Variants in SIPA1L2 observed in about 807,000 individuals in gnomAD.
SIPA1L2 encodes signal induced proliferation associated 1 like 2.
In SIPA1L2, 56 loss-of-function variants were observed where a neutral mutation model predicts 163.9. The observed-to-expected ratio is 0.34, with a 90% confidence interval of 0.28 to 0.43. The LOEUF is 0.43. Among genes scored for constraint, SIPA1L2 ranks in the 20% least tolerant of loss-of-function variants. SIPA1L2 has a pLI of 1.00. For synonymous variants in SIPA1L2, 877 were observed against 865.7 expected (o/e 1.01, Z -0.23); for missense variants, 1,974 against 2,193.5 (o/e 0.90, Z 2.00).
At chr1:232,590,570 C>T (rs1215632053) in intron 1 of SIPA1L2, among the ~76,000 whole-genome samples, 1 of 152,192 alleles carries the variant, frequency 6.6e-6, no homozygotes, top group East Asian at 1.9e-4. Context: ...CTGATTCAGA[C>T]CCTAGCTCTC....
chr1:232,587,830 G>C lies in SIPA1L2; in HGVS notation c.-318-13608C>G, dbSNP rs762422257. Among the ~76,000 whole-genome samples the C allele has an allele frequency of 3.3e-5, 5 of 151,706 alleles. No individual in the cohort carries two copies. In the East Asian group the frequency reaches 9.7e-4, roughly 29 times the overall value. On this transcript the variant is annotated intron_variant, in intron 1 of 22. Coordinates refer to ENST00000674635, the MANE Select transcript of SIPA1L2 (RefSeq NM_020808.5). ...CGGTTTCCCCCATACTGTTCTTGTG[G>C]CAGTGAATAAGTCTCACAAGATCTG...
chr1:232,594,918 C>G (rs1661175338), intron 1 of SIPA1L2, among the ~76,000 whole-genome samples: 1 of 152,208 alleles, frequency 6.6e-6, no homozygotes, highest in African/African-American at 2.4e-5. Flanking sequence ...CACACCCAGG[C>G]TGCACCCATT....
chr1:232,417,451 A>G (rs996123119), intron 18 of SIPA1L2, among the ~76,000 whole-genome samples: 2 of 151,718 alleles, frequency 1.3e-5, no homozygotes, highest in African/African-American at 2.4e-5. Context: ...TCCTTATTCT[A>G]CTTGTTCTGT....
intron 1 of SIPA1L2, among the ~76,000 whole-genome samples, chr1:232,582,969 A>T (rs934072246): frequency 1.3e-5 from 2 of 152,222 alleles, no homozygotes. Context: ...CAAGCTAAAA[A>T]GCTTTAACTA....
At chr1:232,475,086 A>G (rs1459605679) in intron 7 of SIPA1L2, among the ~76,000 whole-genome samples, 1 of 152,152 alleles carries the variant, frequency 6.6e-6, no homozygotes, top group East Asian at 1.9e-4. Context: ...GAAAGAAGCA[A>G]ATCCATATTC....
chr1:232,605,203 G>C (rs966776558), intron 1 of SIPA1L2, among the ~76,000 whole-genome samples: 1 of 151,974 alleles, frequency 6.6e-6, no homozygotes, highest in Non-Finnish European at 1.5e-5. Flanking sequence ...TTGTACAGAC[G>C]GGGTTTCTCC....
chr1:232,459,177 C>G (rs1415407025), intron 10 of SIPA1L2, among the ~76,000 whole-genome samples: 1 of 152,196 alleles, frequency 6.6e-6, no homozygotes, highest in South Asian at 2.1e-4. Context: ...CATGGTTTAG[C>G]TGATCTATCC....
At chr1:232,609,660 C>T (rs2102871759) in intron 1 of SIPA1L2, among the ~76,000 whole-genome samples, 1 of 151,906 alleles carries the variant, frequency 6.6e-6, no homozygotes, top group African/African-American at 2.4e-5. Context: ...GAAACCCTGT[C>T]TCTACTAAAA....
At chr1:232,594,276 CAGTGGTAG>C (rs1661124553) in intron 1 of SIPA1L2, among the ~76,000 whole-genome samples, 1 of 152,108 alleles carries the variant, frequency 6.6e-6, no homozygotes, top group Non-Finnish European at 1.5e-5. Context: ...GGAAAGGAGA[CAGTGGTAG>C]AGCTGCTACG....
chr1:232,487,904 T>C (rs1026017246), intron 5 of SIPA1L2, among the ~76,000 whole-genome samples: 12 of 149,232 alleles, frequency 8.0e-5, no homozygotes, highest in East Asian at 2.1e-4. Context: ...AAACTAACAA[T>C]ATATGTAATT....
intron 5 of SIPA1L2, among the ~76,000 whole-genome samples, chr1:232,486,724 A>T (rs1665664673): frequency 6.6e-6 from 1 of 152,254 alleles, no homozygotes; most frequent in African/African-American, 2.4e-5. Flanking sequence ...GAATGAAATG[A>T]ATAATGAAAC....
intron 15 of SIPA1L2, 124 bp from the exon 16 acceptor site, chr1:232,432,595 A>G: frequency 1.3e-6 from 1 of 789,500 alleles, no homozygotes; most frequent in Non-Finnish European, 2.1e-6. Flanking sequence ...GGGCCCAGTG[A>G]GGCAGATGGA....
chr1:232,592,310 G>A (rs927543499), intron 1 of SIPA1L2, among the ~76,000 whole-genome samples: 5 of 152,090 alleles, frequency 3.3e-5, no homozygotes, highest in Non-Finnish European at 5.9e-5. Flanking sequence ...ATTTTCCTCC[G>A]CTATCTGCCA....
At chr1:232,622,159 C>T (rs1662843211) in intron 1 of SIPA1L2, among the ~76,000 whole-genome samples, 1 of 152,232 alleles carries the variant, frequency 6.6e-6, no homozygotes. Flanking sequence ...CTTATCACAG[C>T]ATACCTTATA....
In SIPA1L2 at chr1:232,425,773, C is replaced by T. The variant is rs541248692; in HGVS notation, c.4446G>A (p.Ser1482=). 3.9e-5 allele frequency: 63 copies of T among 1,614,014 alleles called. No individual in the cohort carries two copies. The Admixed American group carries it at 7.0e-4, about 18-fold the overall frequency. ...TCTCGTCAGACAGCGTGCGGTAAAGCGACCTCCTTGGAGACAGGTTCCCAT... is the reference window on the plus strand; with the variant it reads ...TCTCGTCAGACAGCGTGCGGTAAAGTGACCTCCTTGGAGACAGGTTCCCAT... The part of the protein sequence containing the change: ...SFYGNLSPRR[S]LYRTLSDESI... The change falls in exon 18 of 23, where the codon TCG becomes TCA. Residue 1482 remains serine, a synonymous_variant. Transcript: ENST00000674635.
At chr1:232,629,245 G>T (rs1437078964) in intron 1 of SIPA1L2, among the ~76,000 whole-genome samples, 1 of 152,184 alleles carries the variant, frequency 6.6e-6, no homozygotes, top group Non-Finnish European at 1.5e-5. Flanking sequence ...TTAATCTGTA[G>T]GTGTTCCCAG....
intron 2 of SIPA1L2, among the ~76,000 whole-genome samples, chr1:232,553,383 G>C (rs1411549003): frequency 1.3e-5 from 2 of 152,152 alleles, no homozygotes; most frequent in Non-Finnish European, 2.9e-5. Context: ...GTACAGGACG[G>C]GGGGGCGTAG....
intron 1 of SIPA1L2, among the ~76,000 whole-genome samples, chr1:232,588,253 G>A (rs1435750464): frequency 1.3e-5 from 2 of 152,062 alleles, no homozygotes; most frequent in Admixed American, 6.6e-5. Context: ...TTGACAGAGC[G>A]ATATATAAAC....
At chr1:232,576,036 G>T (rs1660059350) in intron 1 of SIPA1L2, among the ~76,000 whole-genome samples, 1 of 152,176 alleles carries the variant, frequency 6.6e-6, no homozygotes, top group African/African-American at 2.4e-5. Flanking sequence ...GGGAAATGGG[G>T]TTAAATAGAT....
Sources: allele counts gnomAD v4.1 joint callset (sites outside exome capture counted in the v4.1 genomes callset), GRCh38; gene constraint gnomAD v4.1.1; transcripts MANE v1.5; gene names NCBI Gene and HGNC (gene_info 2026-07-23, HGNC 2026-07-21).